XPR1: variants seen among roughly 807,000 people sequenced by gnomAD.
The protein encoded by XPR1 is solute carrier family 53 member 1.
Under a neutral mutation model 87.5 loss-of-function variants are expected in XPR1, and 28 were observed. The ratio of observed to expected loss-of-function variants is 0.32; its 90% CI spans 0.24 to 0.44. The LOEUF (loss-of-function observed/expected upper bound fraction) is 0.44, where lower values mean the gene tolerates loss of function less well. Among genes scored for constraint, XPR1 ranks in the 20% least tolerant of loss-of-function variants. The probability of loss-of-function intolerance (pLI) is 1.00; values close to 1 mark genes in which losing one functional copy is unlikely to be tolerated. For synonymous variants in XPR1, 300 were observed against 306.1 expected (o/e 0.98, Z 0.21); for missense variants, 559 against 862.3 (o/e 0.65, Z 4.41).
chr1:180,732,025 T>C (rs1334100693), intron 2 of XPR1, among the ~76,000 whole-genome samples: 1 of 152,118 alleles, frequency 6.6e-6, no homozygotes, highest in Admixed American at 6.6e-5. Context: ...AAGCCCCGCC[T>C]CTACTAAAAA....
intron 7 of XPR1, among the ~76,000 whole-genome samples, chr1:180,814,244 T>G (rs1473718581): frequency 1.3e-5 from 2 of 152,218 alleles, no homozygotes; most frequent in Non-Finnish European, 2.9e-5. Flanking sequence ...TTCTTCTTCC[T>G]ACCAGTTACT....
chr1:180,741,601 C>T (rs1158482616), intron 2 of XPR1, among the ~76,000 whole-genome samples: 1 of 152,090 alleles, frequency 6.6e-6, no homozygotes, highest in Non-Finnish European at 1.5e-5. Flanking sequence ...TTCTCCTGCC[C>T]TCAGCCTCCT....
chr1:180,811,081 T>C (rs547621410), intron 6 of XPR1, among the ~76,000 whole-genome samples: 252 of 152,260 alleles, frequency 1.7e-3, no homozygotes, highest in Non-Finnish European at 3.0e-3. Flanking sequence ...TTGTTATTTT[T>C]TACTGGTTTT....
chr1:180,777,156 C>T (rs553155005), intron 2 of XPR1, among the ~76,000 whole-genome samples: 15 of 152,258 alleles, frequency 9.9e-5, no homozygotes, highest in African/African-American at 2.6e-4. Context: ...CTAGTCTGCA[C>T]TAAAACCTAC....
At chr1:180,832,270 T>G (rs1045558987) in intron 9 of XPR1, among the ~76,000 whole-genome samples, 5 of 152,232 alleles carry the variant, frequency 3.3e-5, no homozygotes, top group African/African-American at 4.8e-5. Context: ...TTTAAGTTCT[T>G]TGTAGATTCT....
chr1:180,806,499 A>T lies in XPR1; in HGVS notation c.623A>T (p.Asp208Val), dbSNP rs1383048623. 1.9e-6 allele frequency: 3 copies of T among 1,613,514 alleles called. No individual in the cohort carries two copies. In the South Asian group the frequency reaches 3.3e-5, roughly 18 times the overall value. ...TEAVVTNELE[D>V]GDRQKAMKRL... ...GCTGTAGTGACCAATGAACTTGAAG[A>T]TGGTGACAGACAAAAGGCTATGAAG... The change falls in exon 6 of 15, where the codon GAT becomes GTT. Residue 208 changes from aspartate (D) to valine (V), a missense_variant. Transcript: ENST00000367590.
chr1:180,679,932 C>T (rs1309643617), intron 1 of XPR1, among the ~76,000 whole-genome samples: 2 of 151,876 alleles, frequency 1.3e-5, no homozygotes, highest in Non-Finnish European at 2.9e-5. Context: ...GCAAAGGAAA[C>T]AGAGTGAAAA....
chr1:180,746,799 A>G (rs1267199973), intron 2 of XPR1, among the ~76,000 whole-genome samples: 1 of 152,226 alleles, frequency 6.6e-6, no homozygotes, highest in Non-Finnish European at 1.5e-5. Context: ...GAACTCAGCC[A>G]TTCATTAATA....
intron 2 of XPR1, among the ~76,000 whole-genome samples, chr1:180,761,036 A>G (rs1648002527): frequency 6.6e-6 from 1 of 152,318 alleles, no homozygotes; most frequent in Non-Finnish European, 1.5e-5. Context: ...TATTTAATAA[A>G]TGGTGCTGGG....
rs532038656 is a variant in XPR1 at position 180,876,635 on chromosome 1, C to CA, written c.1808+2706dup. Among the ~76,000 whole-genome samples, 368 of 107,980 alleles carry CA rather than the reference C, an allele frequency of 3.4e-3. 1 individual carries two copies. Among genetic ancestry groups the CA allele is most frequent in the Middle Eastern group, 0.017 (3 of 178 alleles). The allele number at this position is 107,980 out of a possible 152,430, so 70.8% of individuals were successfully genotyped here. A position where few individuals can be genotyped will look rare whatever the true frequency, so the allele number is the denominator to read the frequency against. ...TGGGCAACAGAGGGAGACCCTGTCT[C>CA]AAAAAAAAAAAAAGAAAGAAACCTG... On this transcript the variant is annotated intron_variant, in intron 13 of 14. Coordinates refer to ENST00000367590, the MANE Select transcript of XPR1 (RefSeq NM_004736.4).
At chr1:180,745,103 G>T (rs1164268579) in intron 2 of XPR1, among the ~76,000 whole-genome samples, 1 of 152,182 alleles carries the variant, frequency 6.6e-6, no homozygotes, top group Non-Finnish European at 1.5e-5. Context: ...CAGTTGCCTG[G>T]ACAGCAGTAT....
intron 6 of XPR1, among the ~76,000 whole-genome samples, chr1:180,808,367 GAAACTACAA>G (rs1170579433): frequency 1.3e-5 from 2 of 151,284 alleles, no homozygotes; most frequent in African/African-American, 2.4e-5. Flanking sequence ...ATGAAAACTG[GAAACTACAA>G]ATTTCTAGAA....
chr1:180,661,509 G>A (rs1655777698), intron 1 of XPR1, among the ~76,000 whole-genome samples: 1 of 144,250 alleles, frequency 6.9e-6, no homozygotes, highest in Non-Finnish European at 1.6e-5. Context: ...GTGTGTGTGT[G>A]TGTGTGTGTG....
intron 2 of XPR1, among the ~76,000 whole-genome samples, chr1:180,724,948 A>G (rs540521233): frequency 2.0e-5 from 3 of 152,252 alleles, no homozygotes; most frequent in African/African-American, 7.2e-5. Flanking sequence ...GTTTCCACAA[A>G]CCCGTCGCCA....
intron 2 of XPR1, among the ~76,000 whole-genome samples, chr1:180,733,860 G>T (rs1214499033): frequency 6.6e-6 from 1 of 152,226 alleles, no homozygotes; most frequent in Non-Finnish European, 1.5e-5. Flanking sequence ...GGTTGAAGAT[G>T]ATGATAACGT....
At chr1:180,728,101 C>CA (rs1658417751) in intron 2 of XPR1, among the ~76,000 whole-genome samples, 1 of 152,178 alleles carries the variant, frequency 6.6e-6, no homozygotes, top group African/African-American at 2.4e-5. Flanking sequence ...CTCTGGTTCA[C>CA]ACGCCTCTGA....
intron 2 of XPR1, among the ~76,000 whole-genome samples, chr1:180,687,128 T>G (rs896225387): frequency 6.6e-6 from 1 of 152,168 alleles, no homozygotes; most frequent in African/African-American, 2.4e-5. Context: ...GAAGCTGAAC[T>G]GATTCCTTAC....
intron 11 of XPR1, among the ~76,000 whole-genome samples, chr1:180,853,953 C>T (rs904214565): frequency 1.3e-5 from 2 of 151,920 alleles, no homozygotes; most frequent in East Asian, 3.9e-4. Flanking sequence ...AAAGCAGCAA[C>T]TTTTAAACAT....
At chr1:180,874,211 C>A (rs1652590508) in intron 13 of XPR1, among the ~76,000 whole-genome samples, 1 of 151,846 alleles carries the variant, frequency 6.6e-6, no homozygotes, top group Non-Finnish European at 1.5e-5. Context: ...TTAATTCTTA[C>A]AAAGTTAAAA....
Sources: allele counts gnomAD v4.1 joint callset (sites outside exome capture counted in the v4.1 genomes callset), GRCh38; gene constraint gnomAD v4.1.1; transcripts MANE v1.5; gene names NCBI Gene and HGNC (gene_info 2026-07-23, HGNC 2026-07-21).